The following IKZF1 variants were observed in gnomAD, a reference collection of about 807,000 sequenced individuals.
IKZF1 encodes the protein DNA-binding protein Ikaros.
In IKZF1, 10 loss-of-function variants were observed where a neutral mutation model predicts 51.7. The ratio of observed to expected loss-of-function variants is 0.19; its 90% confidence interval spans 0.12 to 0.33. IKZF1 has a LOEUF of 0.33. Among genes scored for constraint, IKZF1 ranks in the 10% least tolerant of loss-of-function variants. The probability of loss-of-function intolerance (pLI) is 1.00; values close to 1 mark genes in which losing one functional copy is unlikely to be tolerated. For synonymous variants in IKZF1, 280 were observed against 282.3 expected (o/e 0.99, Z 0.08); for missense variants, 484 against 707.5 (o/e 0.68, Z 3.58).
Position 50,398,481 on chromosome 7 carries a change from C to T in IKZF1, c.851-1437C>T, listed in dbSNP as rs138871994. 1.9e-3 allele frequency among the ~76,000 whole-genome samples: 294 copies of T among 152,320 alleles called. 1 individual carries two copies. Among genetic ancestry groups the T allele is most frequent in the African/African-American group, 6.9e-3 (285 of 41,556 alleles). ...GTCCCCAACACTGGGACACAAAACC[C>T]TCCTTATCAACCCTCCTTATCTGGC... On this transcript the variant is annotated intron_variant, in intron 7 of 7. Coordinates refer to ENST00000331340, the MANE Select transcript of IKZF1 (RefSeq NM_006060.6).
intron 7 of IKZF1, among the ~76,000 whole-genome samples, chr7:50,398,251 A>AG (rs1234939796): frequency 1.3e-5 from 2 of 152,188 alleles, no homozygotes; most frequent in African/African-American, 4.8e-5. Flanking sequence ...TTCTTTCCAC[A>AG]GTGAATGAGA....
At chr7:50,383,497 G>C (rs1812449412) in intron 5 of IKZF1, among the ~76,000 whole-genome samples, 1 of 152,204 alleles carries the variant, frequency 6.6e-6, no homozygotes, top group Non-Finnish European at 1.5e-5. Context: ...GAGGAAGAGA[G>C]GGCTCTTGGC....
chr7:50,395,162 A>G (rs1233725732), intron 7 of IKZF1, among the ~76,000 whole-genome samples: 1 of 152,374 alleles, frequency 6.6e-6, no homozygotes, highest in East Asian at 1.9e-4. Context: ...GAAATTACCA[A>G]TATTAAAAGT....
At chr7:50,311,070 C>T (rs2153338998) in intron 1 of IKZF1, among the ~76,000 whole-genome samples, 1 of 152,244 alleles carries the variant, frequency 6.6e-6, no homozygotes, top group Middle Eastern at 3.4e-3. Flanking sequence ...TTGATGATAG[C>T]TGATAATTTT....
chr7:50,369,130 T>A (rs12718730), intron 3 of IKZF1: 77,523 of 235,732 alleles, frequency 0.33, 13,566 homozygotes, highest in Middle Eastern at 0.39. Flanking sequence ...ATGTATGTAC[T>A]TGTAAATGCT....
Position 50,400,741 on chromosome 7 carries a change from T to C in IKZF1, c.*114T>C. ...CTGGACTGGACCAGACAATGTTGTG[T>C]TTGGATTTGTAACTGTTTTTTGTTT... On this transcript the variant is annotated 3_prime_UTR_variant, in exon 8 of 8. Coordinates refer to ENST00000331340, the MANE Select transcript of IKZF1 (RefSeq NM_006060.6). The surrounding 1 kb of genome is among the most constrained non-coding windows in gnomAD (Gnocchi z 5.4). 1.5e-6 allele frequency: 2 copies of C among 1,298,154 alleles called. No individual in the cohort carries two copies. The highest frequency in any genetic ancestry group is 2.1e-6 in the Non-Finnish European group (2 of 958,386). The allele number at this position is 1,298,154 out of a possible 1,614,324, so 80.4% of individuals were successfully genotyped here.
chr7:50,354,825 C>A (rs1016697609), intron 3 of IKZF1, among the ~76,000 whole-genome samples: 2 of 152,184 alleles, frequency 1.3e-5, no homozygotes, highest in South Asian at 2.1e-4. Context: ...CTTAGACCTC[C>A]CCTCCAGCTT....
chr7:50,400,389 C>T lies in IKZF1; in HGVS notation c.1322C>T (p.Ala441Val). The T allele has an allele frequency of 6.2e-7, 1 of 1,613,450 alleles. No homozygotes were observed. The change falls in exon 8 of 8, where the codon GCC becomes GTC. Residue 441 changes from alanine (A) to valine (V), a missense_variant. This residue lies in a region of IKZF1 where 72 missense variants were observed against 67.5 expected (regional missense o/e 1.07). Coordinates refer to ENST00000331340, the MANE Select transcript of IKZF1 (RefSeq NM_006060.6). The surrounding 1 kb of genome is among the most constrained non-coding windows in gnomAD (Gnocchi z 5.4). ...EHRAYDLLRA[A>V]SENSQDALRV... is the part of the protein sequence containing the mutation. The stretch of plus-strand genomic sequence containing the variant: ...CGCGCCTACGACCTGCTGCGCGCCG[C>T]CTCCGAGAACTCGCAGGACGCGCTC...
chr7:50,340,961 C>A, intron 3 of IKZF1, among the ~76,000 whole-genome samples: 1 of 152,278 alleles, frequency 6.6e-6, no homozygotes, highest in Non-Finnish European at 1.5e-5. Flanking sequence ...GGTCTCAACA[C>A]TGATTTTTAT....
chr7:50,368,187 G>A (rs1016982681), intron 3 of IKZF1: 4 of 702,812 alleles, frequency 5.7e-6, no homozygotes, highest in East Asian at 2.7e-5. Flanking sequence ...TGTTCTATTC[G>A]TTAGACACCT....
Position 50,401,696 on chromosome 7 carries a change from AGT to A in IKZF1, c.*1072_*1073del. 9.2e-6 allele frequency: 2 copies of A among 218,322 alleles called. No homozygotes were observed. Among genetic ancestry groups the A allele is most frequent in the Non-Finnish European group, 1.8e-5 (2 of 108,620 alleles). 13.5% of individuals were successfully genotyped at this position (218,322 alleles called of 1,614,324 possible). On this transcript the variant is annotated 3_prime_UTR_variant, in exon 8 of 8. Transcript: ENST00000331340. The stretch of plus-strand genomic sequence containing the variant: ...TTGTAGCCACAAGCCTGAATTTCTC[AGT>A]GTTGGTAAGTTTCTTTACCTACCCT...
At chr7:50,387,979 C>T (rs1813913345) in intron 6 of IKZF1, among the ~76,000 whole-genome samples, 1 of 151,994 alleles carries the variant, frequency 6.6e-6, no homozygotes, top group Non-Finnish European at 1.5e-5. Context: ...TGTTGGAAGC[C>T]CCTGGTAGTT....
intron 3 of IKZF1, among the ~76,000 whole-genome samples, chr7:50,343,604 T>C (rs1377959468): frequency 3.3e-5 from 5 of 152,264 alleles, no homozygotes; most frequent in Non-Finnish European, 5.9e-5. Context: ...TACAAGAGGC[T>C]TGTGCCAGGA....
intron 3 of IKZF1, among the ~76,000 whole-genome samples, chr7:50,364,361 A>G (rs1806185708): frequency 6.6e-6 from 1 of 152,264 alleles, no homozygotes; most frequent in Non-Finnish European, 1.5e-5. Context: ...AATGTGCCTG[A>G]GAGTTTGGGG....
intron 7 of IKZF1, among the ~76,000 whole-genome samples, chr7:50,393,127 G>T (rs1206520774): frequency 3.9e-5 from 6 of 152,212 alleles, no homozygotes; most frequent in African/African-American, 1.4e-4. Context: ...GGAGGCAGTG[G>T]CAGCAGGCAT....
intron 3 of IKZF1, among the ~76,000 whole-genome samples, chr7:50,365,657 A>C (rs1338453917): frequency 6.6e-6 from 1 of 152,240 alleles, no homozygotes; most frequent in Non-Finnish European, 1.5e-5. Flanking sequence ...GGTTGTAGAG[A>C]AAAAGGAACG....
At chr7:50,380,257 C>CA (rs985795410) in intron 4 of IKZF1, among the ~76,000 whole-genome samples, 1 of 151,912 alleles carries the variant, frequency 6.6e-6, no homozygotes, top group African/African-American at 2.4e-5. Context: ...CACTCAGAAG[C>CA]AAAAAAGGTT....
chr7:50,311,734 A>G (rs1790220864), intron 1 of IKZF1, among the ~76,000 whole-genome samples: 1 of 152,202 alleles, frequency 6.6e-6, no homozygotes, highest in African/African-American at 2.4e-5. Context: ...GAGTTTCAAA[A>G]TGTCCACCTG....
intron 7 of IKZF1, chr7:50,394,400 G>A (rs1350640117): frequency 8.6e-6 from 2 of 233,156 alleles, no homozygotes; most frequent in African/African-American, 4.4e-5. Flanking sequence ...CTCGGATGCT[G>A]AGTTTAGCCT....
Sources: allele counts gnomAD v4.1 joint callset (sites outside exome capture counted in the v4.1 genomes callset), GRCh38; gene constraint gnomAD v4.1.1; regional missense constraint gnomAD v4.1.1; non-coding constraint Gnocchi (gnomAD v3.1); transcripts MANE v1.5; gene names NCBI Gene and HGNC (gene_info 2026-07-23, HGNC 2026-07-21).